The following FOXP1 variants were observed in gnomAD, a reference collection of about 807,000 sequenced individuals.
FOXP1 encodes the protein forkhead box P1.
In FOXP1, 15 loss-of-function variants were observed where a neutral mutation model predicts 98.2. That is an observed-to-expected ratio of 0.15 (90% CI 0.10 to 0.24). FOXP1 has a LOEUF of 0.24. Ranked by LOEUF, FOXP1 falls within the 10% of genes least tolerant of loss-of-function variation. The probability of loss-of-function intolerance (pLI) is 1.00; values close to 1 mark genes in which losing one functional copy is unlikely to be tolerated. For synonymous variants in FOXP1, 371 were observed against 314.5 expected (o/e 1.18, Z -1.90); for missense variants, 633 against 848.5 (o/e 0.75, Z 3.15).
At chr3:71,311,186 T>A (rs974646003) in intron 4 of FOXP1, among the ~76,000 whole-genome samples, 4 of 152,164 alleles carry the variant, frequency 2.6e-5, no homozygotes, top group Admixed American at 2.6e-4. Context: ...ACTACTAGAC[T>A]CAAGCGGTTC....
intron 4 of FOXP1, among the ~76,000 whole-genome samples, chr3:71,318,154 GTTTT>G (rs56227948): frequency 7.5e-6 from 1 of 133,248 alleles, no homozygotes; most frequent in Admixed American, 7.5e-5. Context: ...ACCCAGCAAG[GTTTT>G]TTTTTTTTTT....
At chr3:71,114,012 C>T (rs2058160732) in intron 6 of FOXP1, among the ~76,000 whole-genome samples, 1 of 152,072 alleles carries the variant, frequency 6.6e-6, no homozygotes, top group South Asian at 2.1e-4. Flanking sequence ...GCTCATTAAA[C>T]GATGTGCTTA....
At chr3:71,250,357 C>G (rs542281932) in intron 5 of FOXP1, among the ~76,000 whole-genome samples, 1 of 152,320 alleles carries the variant, frequency 6.6e-6, no homozygotes, top group East Asian at 1.9e-4. Flanking sequence ...AATAGGGTAG[C>G]CAATAGCCAC....
intron 11 of FOXP1, among the ~76,000 whole-genome samples, chr3:71,026,247 A>G (rs1414161187): frequency 6.6e-6 from 1 of 152,128 alleles, no homozygotes; most frequent in Non-Finnish European, 1.5e-5. Flanking sequence ...TATTTAAGAA[A>G]TGACTTGATT....
intron 7 of FOXP1, among the ~76,000 whole-genome samples, chr3:71,072,939 A>T (rs1441300089): frequency 6.6e-6 from 1 of 152,214 alleles, no homozygotes; most frequent in Non-Finnish European, 1.5e-5. Context: ...CTTTTGTATT[A>T]ACAGTTTAAT....
At chr3:71,430,906 C>T (rs953711852) in intron 3 of FOXP1, among the ~76,000 whole-genome samples, 3 of 152,190 alleles carry the variant, frequency 2.0e-5, no homozygotes, top group South Asian at 2.1e-4. Context: ...TTTAGAGCAA[C>T]GCAGTAGCCA....
rs35405702 is a variant in FOXP1, at chr3:71,558,802, C to CTTTTTTTTTTTTTTTTTT, written c.-298+22729_-298+22746dup. ...AGCCACCACACCCAGCCGATTCTCA[C>CTTTTTTTTTTTTTTTTTT]TTTTTTTTTTTTTTTTTTGAGGCAG... is the stretch of plus-strand genomic sequence containing the variant. On this transcript the variant is annotated intron_variant, in intron 2 of 20. Coordinates refer to ENST00000649528, the MANE Select transcript of FOXP1 (RefSeq NM_001349338.3). Among the ~76,000 whole-genome samples, 48 of 117,538 alleles carry CTTTTTTTTTTTTTTTTTT rather than the reference C, an allele frequency of 4.1e-4. 1 individual carries two copies. The highest frequency in any genetic ancestry group is 1.6e-3 in the African/African-American group (47 of 29,152). The allele number at this position is 117,538 out of a possible 152,430, so 77.1% of individuals were successfully genotyped here.
rs563374566 is a variant in FOXP1, at chr3:71,358,292, TAAAAAG to T, written c.-73+852_-73+857del. ...ATATCCCTTCATCCATATTTGATAC[TAAAAAG>T]AAAGACATTTCAACAGCTAGTCCAT... On this transcript the variant is annotated intron_variant, in intron 4 of 20. Coordinates refer to ENST00000649528, the MANE Select transcript of FOXP1 (RefSeq NM_001349338.3). 6.9e-3 allele frequency among the ~76,000 whole-genome samples: 1,050 copies of T among 152,298 alleles called. 28 individuals carry two copies. The highest frequency in any genetic ancestry group is 4.1e-3 in the Non-Finnish European group (280 of 68,036).
chr3:71,461,529 G>T (rs1245585505), intron 3 of FOXP1, among the ~76,000 whole-genome samples: 2 of 152,158 alleles, frequency 1.3e-5, no homozygotes, highest in Non-Finnish European at 2.9e-5. Context: ...GAGGCCGGGC[G>T]TGGTGGCTCG....
chr3:71,112,683 A>G lies in FOXP1; in HGVS notation c.181-46T>C, dbSNP rs1306091996. ...ATCCTTTGCGTTACTACACAGGTTC[A>G]GGGGACTCTTCATAAAAAAGGATTC... On this transcript the variant is annotated intron_variant, in intron 6 of 20. Transcript: ENST00000649528. 1.1e-5 allele frequency: 16 copies of G among 1,397,066 alleles called. No individual in the cohort carries two copies. In the African/African-American group the frequency reaches 1.7e-4, roughly 15 times the overall value. 86.5% of individuals were successfully genotyped at this position (1,397,066 alleles called of 1,614,324 possible).
chr3:71,541,837 A>G (rs538375024), intron 2 of FOXP1: 25 of 420,406 alleles, frequency 5.9e-5, no homozygotes, highest in South Asian at 4.1e-4. Context: ...TGGTTTTAAA[A>G]CAAACAAAAA....
intron 4 of FOXP1, among the ~76,000 whole-genome samples, chr3:71,337,547 T>C (rs13092790): frequency 0.4 from 61,313 of 152,102 alleles, 14,010 homozygotes; most frequent in East Asian, 0.73. Flanking sequence ...ATACATTACA[T>C]AGCTATACAT....
chr3:71,208,863 A>T (rs2108447538), intron 5 of FOXP1, among the ~76,000 whole-genome samples: 1 of 152,334 alleles, frequency 6.6e-6, no homozygotes, highest in South Asian at 2.1e-4. Context: ...GGAAGAAGGC[A>T]AGATAAACAA....
At chr3:71,015,412 T>C (rs2044313507) in intron 12 of FOXP1, 137 bp downstream of exon 12, 12 of 647,336 alleles carry the variant, frequency 1.9e-5, no homozygotes, top group Non-Finnish European at 3.2e-5. Flanking sequence ...GACAGTGCAC[T>C]AGACCTTGTG....
At chr3:71,582,412 G>A (rs2048257998) in intron 1 of FOXP1, 1 of 984,352 alleles carries the variant, frequency 1.0e-6, no homozygotes, top group Non-Finnish European at 1.2e-6. Flanking sequence ...CGAAGCGCAC[G>A]CCGCCTCGGC....
intron 4 of FOXP1, among the ~76,000 whole-genome samples, chr3:71,349,249 TA>T (rs1208947315): frequency 4.6e-5 from 7 of 152,142 alleles, no homozygotes; most frequent in African/African-American, 1.7e-4. Context: ...AATGCCACAA[TA>T]AAAAAATAAC....
rs528577322 is a variant in FOXP1 at position 71,230,695 on chromosome 3, A to G, written c.-11-32303T>C. ...GATTGGTGCATAAACTCAAGAGTAC[A>G]GGGCTCACTGTGAATTCTCAAAACT... is the stretch of plus-strand genomic sequence containing the variant. On this transcript the variant is annotated intron_variant, in intron 5 of 20. Transcript: ENST00000649528. 2.6e-5 allele frequency among the ~76,000 whole-genome samples: 4 copies of G among 152,350 alleles called. No individual in the cohort carries two copies. The South Asian group carries it at 8.3e-4, about 32-fold the overall frequency.
chr3:71,575,583 C>A (rs886913481), intron 2 of FOXP1, among the ~76,000 whole-genome samples: 1 of 152,192 alleles, frequency 6.6e-6, no homozygotes, highest in Admixed American at 6.5e-5. Context: ...TCTGTGCTCA[C>A]CCCCAGGAGG....
At chr3:71,334,854 T>G (rs1415223292) in intron 4 of FOXP1, 1 of 152,222 alleles carries the variant, frequency 6.6e-6, no homozygotes, top group African/African-American at 2.4e-5. Flanking sequence ...GAACTGGTAC[T>G]GAGCACTGAA....
Sources: gnomAD v4.1 joint callset for allele counts (sites outside exome capture counted in the v4.1 genomes callset) on GRCh38, gnomAD v4.1.1 for gene constraint, MANE v1.5 for transcripts, NCBI Gene and HGNC (gene_info 2026-07-23, HGNC 2026-07-21) for gene names.